Variants in PEAK1 observed in about 807,000 individuals in gnomAD.
PEAK1 encodes the protein pseudopodium enriched atypical kinase 1.
A neutral mutation model predicts 124.7 loss-of-function variants in PEAK1; 54 were observed. That is an observed-to-expected ratio of 0.43 (90% CI 0.35 to 0.54). The LOEUF (loss-of-function observed/expected upper bound fraction) is 0.54, where lower values mean the gene tolerates loss of function less well. Ranked by LOEUF, PEAK1 falls within the 20% of genes least tolerant of loss-of-function variation. The pLI is 0.01. For synonymous variants in PEAK1, 719 were observed against 760.0 expected (o/e 0.95, Z 0.89); for missense variants, 2,046 against 2,134.5 (o/e 0.96, Z 0.82).
At chr15:77,275,260 C>T (rs988008030) in intron 5 of PEAK1, among the ~76,000 whole-genome samples, 3 of 152,112 alleles carry the variant, frequency 2.0e-5, no homozygotes, top group African/African-American at 7.2e-5. Flanking sequence ...TAAATCACCA[C>T]TAAAGAACTT....
chr15:77,180,965 T>C lies in PEAK1; in HGVS notation c.962A>G (p.Glu321Gly). The change falls in exon 7 of 10, where the codon GAG (glutamate) becomes GGG (glycine). Residue 321 changes from glutamate to glycine, a missense_variant. By Grantham distance (98) the Glu-to-Gly change is moderately conservative. Transcript: ENST00000682557. ...DSYDEILNGY[E>G]ENSVVSYGQG... ...TCCATAAGAGACCACAGAATTTTCC[T>C]CATAACCATTCAGGATTTCATCATA... The C allele has an allele frequency of 6.2e-7, 1 of 1,614,162 alleles. No homozygotes were observed. Among genetic ancestry groups the C allele is most frequent in the Non-Finnish European group, 8.5e-7 (1 of 1,180,020 alleles).
chr15:77,408,166 C>T (rs1327995176), intron 1 of PEAK1, among the ~76,000 whole-genome samples: 13 of 151,066 alleles, frequency 8.6e-5, no homozygotes, highest in East Asian at 6.0e-4. Flanking sequence ...CACACACACA[C>T]ACACACACAC....
chr15:77,299,930 A>G (rs914519069), intron 2 of PEAK1, among the ~76,000 whole-genome samples: 2 of 152,208 alleles, frequency 1.3e-5, no homozygotes, highest in Non-Finnish European at 2.9e-5. Flanking sequence ...ATGACTATTT[A>G]GTCTGATGCT....
chr15:77,414,385 A>ATT (rs35794181), intron 1 of PEAK1, among the ~76,000 whole-genome samples: 10 of 122,650 alleles, frequency 8.2e-5, no homozygotes, highest in South Asian at 2.6e-4. Flanking sequence ...AATTTTTTGT[A>ATT]TTTTTTTTTT....
intron 8 of PEAK1, among the ~76,000 whole-genome samples, chr15:77,141,667 G>GT (rs1313444227): frequency 1.3e-5 from 2 of 152,148 alleles, no homozygotes; most frequent in Admixed American, 6.5e-5. Context: ...TGGTACTGGC[G>GT]TAAGAATAGA....
At position 77,136,657 on chromosome 15, in the gene PEAK1, C is replaced by T. The variant is rs549789781; in HGVS notation, c.3332-2907G>A. 4.0e-5 allele frequency among the ~76,000 whole-genome samples: 6 copies of T among 151,868 alleles called. 1 individual carries two copies. Among genetic ancestry groups the T allele is most frequent in the African/African-American group, 1.4e-4 (6 of 41,418 alleles). On this transcript the variant is annotated intron_variant, in intron 8 of 9. Transcript: ENST00000682557. The stretch of plus-strand genomic sequence containing the variant: ...CTCCAGTATTGGTGACAGAGTGAGA[C>T]CCCGTCTCCAAAAAAATAAATAAAT...
At chr15:77,187,047 T>G (rs2057582013) in intron 6 of PEAK1, among the ~76,000 whole-genome samples, 1 of 152,204 alleles carries the variant, frequency 6.6e-6, no homozygotes, top group African/African-American at 2.4e-5. Context: ...TGTCTTCTAT[T>G]TATTTGCCAG....
chr15:77,193,233 T>A (rs1345562912), intron 6 of PEAK1, among the ~76,000 whole-genome samples: 1 of 152,240 alleles, frequency 6.6e-6, no homozygotes, highest in Non-Finnish European at 1.5e-5. Context: ...CTGGCAAGAT[T>A]ACCTATTCAG....
chr15:77,138,063 T>G (rs2053480931), intron 8 of PEAK1, among the ~76,000 whole-genome samples: 1 of 152,190 alleles, frequency 6.6e-6, no homozygotes, highest in Non-Finnish European at 1.5e-5. Context: ...TGTGACTTGC[T>G]CCTCCTTGCC....
intron 5 of PEAK1, among the ~76,000 whole-genome samples, chr15:77,260,940 C>G (rs950958146): frequency 2.6e-5 from 4 of 152,192 alleles, no homozygotes; most frequent in Non-Finnish European, 4.4e-5. Context: ...GAGGAATGAT[C>G]AGGCAGCAAC....
At chr15:77,246,229 G>C (rs2060579767) in intron 6 of PEAK1, among the ~76,000 whole-genome samples, 1 of 152,136 alleles carries the variant, frequency 6.6e-6, no homozygotes, top group Non-Finnish European at 1.5e-5. Context: ...GAATGGTCTT[G>C]ATCTCTTGAC....
chr15:77,146,187 C>T (rs12916933), intron 8 of PEAK1, among the ~76,000 whole-genome samples: 12,793 of 152,166 alleles, frequency 0.084, 614 homozygotes, highest in Non-Finnish European at 0.1. Context: ...CTGAACCTAG[C>T]GCTCAGTGCA....
In PEAK1 at chr15:77,181,511, G is replaced by C. The variant is rs753850091; in HGVS notation, c.416C>G (p.Ala139Gly). ...ATTATTGTTATCTGACATCTTCTTT[G>C]CACTATCATTATTGCCATAAGGCTT... is the stretch of plus-strand genomic sequence containing the variant. ...VPKPYGNNDS[A>G]KKMSDNNNGL... is the part of the protein sequence containing the mutation. Residue 139 changes from alanine (A) to glycine (G), a missense_variant, in exon 7 of 10, where the codon GCA (alanine) becomes GGA (glycine). Coordinates refer to ENST00000682557, the MANE Select transcript of PEAK1 (RefSeq NM_001385026.1). 21 of 1,613,836 alleles carry C rather than the reference G, an allele frequency of 1.3e-5. No individual in the cohort carries two copies. Among genetic ancestry groups the C allele is most frequent in the African/African-American group, 2.7e-5 (2 of 74,864 alleles).
At chr15:77,315,919 G>A (rs866200863) in intron 2 of PEAK1, among the ~76,000 whole-genome samples, 2 of 152,000 alleles carry the variant, frequency 1.3e-5, no homozygotes, top group Non-Finnish European at 2.9e-5. Context: ...TAAAAACTAA[G>A]GAAATCTGAA....
At chr15:77,418,021 T>C (rs2073030335) in intron 1 of PEAK1, 2 of 977,900 alleles carry the variant, frequency 2.0e-6, no homozygotes. Flanking sequence ...TATTTTTTAA[T>C]GTGATTGTCG....
intron 5 of PEAK1, among the ~76,000 whole-genome samples, chr15:77,254,755 T>G (rs553724387): frequency 1.3e-5 from 2 of 152,288 alleles, no homozygotes; most frequent in East Asian, 3.9e-4. Flanking sequence ...TTATGCATCC[T>G]TCTAGTCAAC....
rs142363604 is a variant in PEAK1, at chr15:77,225,505, C to T, written c.-115+26862G>A. On this transcript the variant is annotated intron_variant, in intron 6 of 9. Coordinates refer to ENST00000682557, the MANE Select transcript of PEAK1 (RefSeq NM_001385026.1). ...AAGATATAGGTGGTTAAAACTGTTT[C>T]CATCTATTTATATCCTCATCTGCTG... 5.3e-4 allele frequency among the ~76,000 whole-genome samples: 80 copies of T among 151,322 alleles called. 2 individuals are homozygous for T. In the East Asian group the frequency reaches 0.015, roughly 29 times the overall value.
At chr15:77,153,891 T>G (rs528129851) in intron 8 of PEAK1, among the ~76,000 whole-genome samples, 652 of 152,300 alleles carry the variant, frequency 4.3e-3, no homozygotes, top group Non-Finnish European at 7.8e-3. Flanking sequence ...TGCTGAGGAC[T>G]GCTTTACTTC....
At position 77,332,259 on chromosome 15, in the gene PEAK1, CT is replaced by C. The variant is rs1214193451; in HGVS notation, c.-603+32903del. Reference sequence around the variant, plus strand: ...ACACAAAAAGTTGATTTTTTTCCCCCTGAAACTAAACAGGAATACCTGGTCA... The same window carrying C: ...ACACAAAAAGTTGATTTTTTTCCCCCGAAACTAAACAGGAATACCTGGTCA... On this transcript the variant is annotated intron_variant, in intron 2 of 9. Coordinates refer to ENST00000682557, the MANE Select transcript of PEAK1 (RefSeq NM_001385026.1). The C allele has an allele frequency of 1.7e-5, 17 of 985,032 alleles. No homozygotes were observed. The East Asian group carries it at 4.6e-4, about 26-fold the overall frequency. The allele number at this position is 985,032 out of a possible 1,614,324, so 61.0% of individuals were successfully genotyped here. A position where few individuals can be genotyped will look rare whatever the true frequency, so the allele number is the denominator to read the frequency against.
Sources: gnomAD v4.1 joint callset for allele counts (sites outside exome capture counted in the v4.1 genomes callset) on GRCh38, gnomAD v4.1.1 for gene constraint, MANE v1.5 for transcripts, NCBI Gene and HGNC (gene_info 2026-07-23, HGNC 2026-07-21) for gene names.